Variants in KLHL1 observed in about 807,000 individuals in gnomAD.
The protein encoded by KLHL1 is kelch like family member 1.
KLHL1 carries 47 observed loss-of-function variants against 77.7 expected under a neutral mutation model. The ratio of observed to expected loss-of-function variants is 0.60; its 90% CI spans 0.48 to 0.77. KLHL1 has a LOEUF of 0.77. Among genes scored for constraint, KLHL1 ranks in the 30% least tolerant of loss-of-function variants. The pLI, the probability that KLHL1 is intolerant of heterozygous loss-of-function variation, is 0.00. For synonymous variants in KLHL1, 360 were observed against 325.2 expected, an observed-to-expected ratio of 1.11 and a Z score of -1.15; for missense variants, 925 against 910.8, an observed-to-expected ratio of 1.02 and a Z score of -0.20.
intron 6 of KLHL1, among the ~76,000 whole-genome samples, chr13:69,805,119 T>C (rs897420346): frequency 6.6e-6 from 1 of 151,888 alleles, no homozygotes; most frequent in Non-Finnish European, 1.5e-5. Context: ...CTTTATTTTT[T>C]TAAGTAATTT....
rs1302446374 is a variant in KLHL1 at position 69,785,113 on chromosome 13, C to T, written c.1639+11625G>A. 1.8e-4 allele frequency among the ~76,000 whole-genome samples: 27 copies of T among 151,210 alleles called. 1 individual carries two copies. The highest frequency in any genetic ancestry group is 6.8e-3 in the Middle Eastern group (2 of 294). On this transcript the variant is annotated intron_variant, in intron 7 of 10. Transcript: ENST00000377844. ...TTCACCATTTTAGCCGGGATGGTCT[C>T]GATCTCCTGACCTCGTGATCCGCCC... is the stretch of plus-strand genomic sequence containing the variant.
At chr13:69,912,210 G>A (rs993409200) in intron 4 of KLHL1, among the ~76,000 whole-genome samples, 1 of 152,116 alleles carries the variant, frequency 6.6e-6, no homozygotes, top group African/African-American at 2.4e-5. Flanking sequence ...TGTTTGCCAT[G>A]TCAACAGAGT....
chr13:70,077,831 AT>A (rs1485559184), intron 1 of KLHL1, among the ~76,000 whole-genome samples: 2 of 152,064 alleles, frequency 1.3e-5, no homozygotes, highest in African/African-American at 4.8e-5. Flanking sequence ...AAGAAAAATA[AT>A]ATCTTATCCA....
intron 8 of KLHL1, among the ~76,000 whole-genome samples, chr13:69,726,386 C>A (rs1484060693): frequency 1.3e-5 from 2 of 152,122 alleles, no homozygotes; most frequent in African/African-American, 4.8e-5. Flanking sequence ...GAAAGCCTGT[C>A]AATCCTGCTG....
intron 1 of KLHL1, among the ~76,000 whole-genome samples, chr13:69,984,863 C>T (rs1884818488): frequency 6.6e-6 from 1 of 152,080 alleles, no homozygotes; most frequent in Non-Finnish European, 1.5e-5. Context: ...AATCCCAGCA[C>T]TTTGGGAGGC....
chr13:69,852,334 C>A (rs1445572684), intron 5 of KLHL1, among the ~76,000 whole-genome samples: 1 of 151,852 alleles, frequency 6.6e-6, no homozygotes, highest in African/African-American at 2.4e-5. Flanking sequence ...CATTTTATTT[C>A]AGAAATGTTA....
At chr13:70,029,209 T>C (rs555493501) in intron 1 of KLHL1, among the ~76,000 whole-genome samples, 1 of 152,090 alleles carries the variant, frequency 6.6e-6, no homozygotes, top group South Asian at 2.1e-4. Context: ...ACTTGCGGCC[T>C]GTGATAGGTT....
chr13:70,046,178 C>A (rs2137385560), intron 1 of KLHL1, among the ~76,000 whole-genome samples: 1 of 151,608 alleles, frequency 6.6e-6, no homozygotes, highest in African/African-American at 2.4e-5. Flanking sequence ...GGCAAAGGAC[C>A]AGTAACATTT....
chr13:69,734,243 T>A (rs1008749377), intron 8 of KLHL1, among the ~76,000 whole-genome samples: 2 of 152,168 alleles, frequency 1.3e-5, no homozygotes, highest in African/African-American at 4.8e-5. Context: ...TTTCACCATG[T>A]GATGTGCCTG....
intron 1 of KLHL1, among the ~76,000 whole-genome samples, chr13:70,092,425 TTAAAA>T (rs1887690525): frequency 6.6e-6 from 1 of 152,120 alleles, no homozygotes; most frequent in African/African-American, 2.4e-5. Context: ...TACTCTCTCT[TTAAAA>T]TAATATATTA....
At chr13:69,751,384 G>A (rs956597874) in intron 7 of KLHL1, among the ~76,000 whole-genome samples, 6 of 151,986 alleles carry the variant, frequency 3.9e-5, no homozygotes, top group Admixed American at 3.3e-4. Context: ...CTTGCTGAAG[G>A]ACACAAATAG....
chr13:69,794,017 A>G (rs1876991827), intron 7 of KLHL1, among the ~76,000 whole-genome samples: 1 of 152,170 alleles, frequency 6.6e-6, no homozygotes, highest in African/African-American at 2.4e-5. Flanking sequence ...TAACATCACA[A>G]TGCCATCAGA....
intron 1 of KLHL1, among the ~76,000 whole-genome samples, chr13:70,056,213 T>C (rs1886739914): frequency 6.6e-6 from 1 of 151,856 alleles, no homozygotes; most frequent in Non-Finnish European, 1.5e-5. Flanking sequence ...TCAAGTAAAA[T>C]ATAAGACAAA....
intron 7 of KLHL1, among the ~76,000 whole-genome samples, chr13:69,791,122 T>G (rs1876854340): frequency 6.6e-6 from 1 of 152,024 alleles, no homozygotes; most frequent in Non-Finnish European, 1.5e-5. Context: ...TTAAATATGT[T>G]CAGCCAGATT....
chr13:69,783,878 T>G (rs1467913148), intron 7 of KLHL1, among the ~76,000 whole-genome samples: 11 of 151,446 alleles, frequency 7.3e-5, no homozygotes, highest in Non-Finnish European at 1.6e-4. Context: ...CACATAATTG[T>G]CAGATTCACC....
chr13:69,991,260 C>T (rs191228899), intron 1 of KLHL1, among the ~76,000 whole-genome samples: 27 of 151,736 alleles, frequency 1.8e-4, no homozygotes, highest in East Asian at 7.8e-4. Flanking sequence ...AAAACAAGAG[C>T]GAACCAACCC....
chr13:69,919,879 G>C (rs751702335), intron 4 of KLHL1, among the ~76,000 whole-genome samples: 22 of 152,158 alleles, frequency 1.4e-4, no homozygotes, highest in Non-Finnish European at 2.4e-4. Flanking sequence ...TAATTAGGCT[G>C]ATGGAGAATA....
rs536174350 is a variant in KLHL1 at position 69,800,694 on chromosome 13, T to C, written c.1415-3732A>G. Among the ~76,000 whole-genome samples the C allele has an allele frequency of 9.9e-5, 15 of 152,276 alleles. No homozygotes were observed. The South Asian group carries it at 3.1e-3, about 32-fold the overall frequency. ...CTATCTAAGCCACCTCATTCTATAA[T>C]TACTATTAATTTATCAATTTGTGAG... On this transcript the variant is annotated intron_variant, in intron 6 of 10. Coordinates refer to ENST00000377844, the MANE Select transcript of KLHL1 (RefSeq NM_020866.3).
intron 7 of KLHL1, among the ~76,000 whole-genome samples, chr13:69,757,805 A>G (rs1874824991): frequency 6.6e-6 from 1 of 151,860 alleles, no homozygotes; most frequent in African/African-American, 2.4e-5. Context: ...AAAATGCAAA[A>G]AATTAGCTTG....
Sources: gnomAD v4.1 joint callset for allele counts (sites outside exome capture counted in the v4.1 genomes callset) on GRCh38, gnomAD v4.1.1 for gene constraint, MANE v1.5 for transcripts, NCBI Gene and HGNC (gene_info 2026-07-23, HGNC 2026-07-21) for gene names.